The following KNDC1 variants were observed in gnomAD, a reference collection of about 807,000 sequenced individuals.
KNDC1 encodes the protein kinase non-catalytic C-lobe domain containing 1.
A neutral mutation model predicts 172.8 loss-of-function variants in KNDC1; 106 were observed. The observed-to-expected ratio is 0.61, with a 90% CI of 0.52 to 0.72. The LOEUF (loss-of-function observed/expected upper bound fraction) is 0.72. Among genes scored for constraint, KNDC1 ranks in the 30% least tolerant of loss-of-function variants. The pLI, the probability that KNDC1 is intolerant of heterozygous loss-of-function variation, is 0.00. For synonymous variants in KNDC1, 1,083 were observed against 1,062.2 expected (o/e 1.02, Z -0.38); for missense variants, 2,325 against 2,394.5 (o/e 0.97, Z 0.61).
intron 1 of KNDC1, among the ~76,000 whole-genome samples, chr10:133,160,918 C>T (rs1852944876): frequency 1.3e-5 from 2 of 151,894 alleles, no homozygotes; most frequent in South Asian, 4.2e-4. Context: ...TGCAGAGCAG[C>T]AGAGTCCAAT....
intron 3 of KNDC1, among the ~76,000 whole-genome samples, chr10:133,168,515 G>A (rs1382731389): frequency 6.6e-6 from 1 of 151,902 alleles, no homozygotes; most frequent in Admixed American, 6.6e-5. Context: ...CGTTCTCTGT[G>A]GGCAGCTCGG....
chr10:133,166,258 C>T (rs1027075766), intron 1 of KNDC1, among the ~76,000 whole-genome samples: 17 of 152,320 alleles, frequency 1.1e-4, no homozygotes, highest in African/African-American at 3.8e-4. Flanking sequence ...CTCCTCCTCA[C>T]GGGCCCCACC....
chr10:133,216,402 T>G (rs1845469446), intron 26 of KNDC1, among the ~76,000 whole-genome samples: 1 of 152,108 alleles, frequency 6.6e-6, no homozygotes, highest in Admixed American at 6.5e-5. Flanking sequence ...CGCAGGCCGG[T>G]CGCAGTGGCT....
At chr10:133,195,547 G>A (rs1455791563) in intron 9 of KNDC1, 116 bp from the exon 10 acceptor site, 1 of 982,554 alleles carries the variant, frequency 1.0e-6, no homozygotes, top group African/African-American at 1.7e-5. Context: ...CTTGAGGAGA[G>A]CCCCTCTGTG....
At chr10:133,202,146 G>C (rs760283080) in intron 17 of KNDC1, 1 of 700,582 alleles carries the variant, frequency 1.4e-6, no homozygotes, top group South Asian at 1.5e-5. Context: ...GACAGGGAAG[G>C]GCTTTTCTCT....
intron 3 of KNDC1, among the ~76,000 whole-genome samples, chr10:133,170,335 G>T (rs530119094): frequency 6.6e-6 from 1 of 152,146 alleles, no homozygotes; most frequent in Non-Finnish European, 1.5e-5. Context: ...CCTGCAGGAC[G>T]TGGACGTGGC....
chr10:133,199,653 T>G, intron 15 of KNDC1, 51 bp downstream of exon 15: 1 of 1,589,774 alleles, frequency 6.3e-7, no homozygotes, highest in Non-Finnish European at 8.6e-7. Flanking sequence ...ATGCCCACTG[T>G]GCCTGGGCTC....
chr10:133,226,141 C>T lies in KNDC1; in HGVS notation c.*1251C>T, dbSNP rs754404352. 4.6e-5 allele frequency: 7 copies of T among 152,262 alleles called. No individual in the cohort carries two copies. The highest frequency in any genetic ancestry group is 1.3e-4 in the Admixed American group (2 of 15,290). The allele number at this position is 152,262 out of a possible 1,614,324, so 9.4% of individuals were successfully genotyped here. On this transcript the variant is annotated 3_prime_UTR_variant, in exon 30 of 30. Coordinates refer to ENST00000304613, the MANE Select transcript of KNDC1 (RefSeq NM_152643.8). ...CCCACATAAATTCACCGGAGACATC[C>T]GGGCCCCGCTTCGATGTAACATGAG...
At position 133,199,607 on chromosome 10, in the gene KNDC1, G is replaced by A; in HGVS notation, c.2903+5G>A. ...GCAGGCGTCACCCTCCCCAAGGTGG[G>A]TGCCCAGTTCGGCCCTGCATTCCCG... On this transcript the variant is annotated splice_donor_5th_base_variant and intron_variant, in intron 15 of 29. Transcript: ENST00000304613. 1.9e-6 allele frequency: 3 copies of A among 1,612,822 alleles called. No homozygotes were observed. The highest frequency in any genetic ancestry group is 1.1e-5 in the South Asian group (1 of 91,026).
chr10:133,191,927 G>A (rs1854079726), intron 9 of KNDC1, among the ~76,000 whole-genome samples: 1 of 152,214 alleles, frequency 6.6e-6, no homozygotes, highest in African/African-American at 2.4e-5. Flanking sequence ...AAGAAAGTGA[G>A]CAGGAGCCAG....
chr10:133,168,870 C>A (rs1039737780), intron 3 of KNDC1, among the ~76,000 whole-genome samples: 3 of 152,192 alleles, frequency 2.0e-5, no homozygotes, highest in African/African-American at 7.2e-5. Flanking sequence ...CAGTGCAGCC[C>A]CTTGGGGACC....
At chr10:133,181,406 G>C (rs1203780801) in intron 3 of KNDC1, among the ~76,000 whole-genome samples, 1 of 152,268 alleles carries the variant, frequency 6.6e-6, no homozygotes, top group African/African-American at 2.4e-5. Context: ...GGGGCTCCTG[G>C]CCCAAGGTGC....
At chr10:133,212,600 G>C (rs2136023468) in intron 23 of KNDC1, 116 bp from the exon 24 acceptor site, 1 of 809,742 alleles carries the variant, frequency 1.2e-6, no homozygotes, top group South Asian at 1.7e-5. Flanking sequence ...GGGCCAGTCT[G>C]AGGAGTACTG....
chr10:133,224,723 G>A lies in KNDC1; in HGVS notation c.5083G>A (p.Asp1695Asn), dbSNP rs779125148. Residue 1695 changes from aspartate to asparagine, a missense_variant, in exon 30 of 30, where the codon GAC becomes AAC. By Grantham distance (23) the Asp-to-Asn change is conservative. Coordinates refer to ENST00000304613, the MANE Select transcript of KNDC1 (RefSeq NM_152643.8). This position sits in a 1 kb window ranked among gnomAD's most constrained non-coding sequence, Gnocchi z 5.4. ...FQENPYTFSP[D>N]PKLQSYLKQR... ...GGAGAACCCTTACACCTTCAGCCCC[G>A]ACCCCAAGCTCCAGTCGTACCTCAA... 4 of 1,613,906 alleles carry A rather than the reference G, an allele frequency of 2.5e-6. No homozygotes were observed. Among genetic ancestry groups the A allele is most frequent in the African/African-American group, 1.3e-5 (1 of 74,888 alleles).
In KNDC1 at chr10:133,201,453, C is replaced by T. The variant is rs369772033; in HGVS notation, c.2990-48C>T. 1.9e-5 allele frequency: 29 copies of T among 1,533,858 alleles called. No homozygotes were observed. In the African/African-American group the frequency reaches 1.9e-4, roughly 10 times the overall value. On this transcript the variant is annotated intron_variant, in intron 16 of 29. Transcript: ENST00000304613. ...TCCCATTAACAGCCTGCCCGGGCTC[C>T]GCCCACAGGAGCCACTGTCCACGTA...
intron 1 of KNDC1, among the ~76,000 whole-genome samples, chr10:133,164,810 T>C (rs1156829067): frequency 1.3e-5 from 2 of 152,154 alleles, no homozygotes; most frequent in East Asian, 3.9e-4. Flanking sequence ...GGTTGTCTGC[T>C]GGGATGTGGC....
intron 20 of KNDC1, 150 bp downstream of exon 20, chr10:133,207,501 T>G: frequency 4.6e-5 from 34 of 732,966 alleles, no homozygotes; most frequent in Non-Finnish European, 7.4e-5. Flanking sequence ...CAATGTGCAC[T>G]AGGTGCCACC....
rs542199266 is a variant in KNDC1 at position 133,182,900 on chromosome 10, G to A, written c.361-444G>A. On this transcript the variant is annotated intron_variant, in intron 3 of 29. Transcript: ENST00000304613. Reference sequence around the variant, plus strand: ...CGCAGGCGGCAAGGGCATGGGTGGCGTGGGTGCGAGCAATGTGGGCACGGA... The same window carrying A: ...CGCAGGCGGCAAGGGCATGGGTGGCATGGGTGCGAGCAATGTGGGCACGGA... Among the ~76,000 whole-genome samples, 675 of 148,240 alleles carry A rather than the reference G, an allele frequency of 4.6e-3. 5 individuals carry two copies. Among genetic ancestry groups the A allele is most frequent in the African/African-American group, 0.016 (644 of 40,016 alleles).
intron 9 of KNDC1, among the ~76,000 whole-genome samples, chr10:133,193,511 G>A (rs1854113590): frequency 6.6e-6 from 1 of 152,072 alleles, no homozygotes; most frequent in African/African-American, 2.4e-5. Flanking sequence ...GGCGACAAGA[G>A]CGAGACCCTG....
Sources: gnomAD v4.1 joint callset for allele counts (sites outside exome capture counted in the v4.1 genomes callset) on GRCh38, gnomAD v4.1.1 for gene constraint, Gnocchi (gnomAD v3.1) non-coding constraint, MANE v1.5 for transcripts, NCBI Gene and HGNC (gene_info 2026-07-23, HGNC 2026-07-21) for gene names.